The following SPAST variants were observed in gnomAD, a reference collection of about 807,000 sequenced individuals.
SPAST encodes spastic paraplegia 4 (autosomal dominant; spastin).
Under a neutral mutation model 76.6 loss-of-function variants are expected in SPAST, and 30 were observed. The observed-to-expected ratio is 0.39, with a 90% CI of 0.29 to 0.53. The LOEUF is 0.53. Ranked by LOEUF, SPAST falls within the 20% of genes least tolerant of loss-of-function variation. SPAST has a pLI of 0.68. For missense variants in SPAST, 717 were observed against 770.5 expected (o/e 0.93, Z 0.82); for synonymous variants, 305 against 281.0 (o/e 1.09, Z -0.86).
At chr2:32,141,528 T>C (rs1015636496) in intron 12 of SPAST, among the ~76,000 whole-genome samples, 1 of 152,258 alleles carries the variant, frequency 6.6e-6, no homozygotes, top group East Asian at 1.9e-4. Flanking sequence ...TTCACCTTTA[T>C]GTATTTTAGT....
intron 4 of SPAST, among the ~76,000 whole-genome samples, chr2:32,103,819 G>T (rs1278617359): frequency 1.3e-5 from 2 of 152,190 alleles, no homozygotes; most frequent in Non-Finnish European, 2.9e-5. Context: ...TGATTGCACT[G>T]TGGCCTGAGA....
At chr2:32,136,532 A>G in intron 9 of SPAST, 31 bp from the exon 10 acceptor site, 2 of 1,472,006 alleles carry the variant, frequency 1.4e-6, no homozygotes, top group African/African-American at 1.4e-5. Context: ...GTTGCATTTT[A>G]TGTGTATAAC....
At chr2:32,081,326 C>A (rs192707858) in intron 1 of SPAST, among the ~76,000 whole-genome samples, 1 of 148,684 alleles carries the variant, frequency 6.7e-6, no homozygotes, top group East Asian at 2.1e-4. Flanking sequence ...GATCTCCTGA[C>A]CTCGTGATTC....
At chr2:32,144,360 AC>A (rs1425921226) in intron 14 of SPAST, among the ~76,000 whole-genome samples, 1 of 152,204 alleles carries the variant, frequency 6.6e-6, no homozygotes, top group Non-Finnish European at 1.5e-5. Context: ...TGTAGATGTT[AC>A]CTTTCCAGGT....
chr2:32,114,641 G>A lies in SPAST; in HGVS notation c.686G>A (p.Ser229Asn), dbSNP rs766843588. The stretch of plus-strand genomic sequence containing the variant: ...GGTTTTACTTTTTCCTTGTCAGAAA[G>A]TGGAGCTGTTCCAAAAAGAAAAGAC... Reference protein sequence around the residue: ...ACRNGHLQSESGAVPKRKDPL... With the variant: ...ACRNGHLQSENGAVPKRKDPL... The change falls in exon 5 of 17, where the codon AGT (serine) becomes AAT (asparagine). Residue 229 changes from serine to asparagine, a missense_variant. Coordinates refer to ENST00000315285, the MANE Select transcript of SPAST (RefSeq NM_014946.4). 5 of 1,613,614 alleles carry A rather than the reference G, an allele frequency of 3.1e-6. No individual in the cohort carries two copies. The highest frequency in any genetic ancestry group is 1.1e-5 in the South Asian group (1 of 91,076).
intron 15 of SPAST, among the ~76,000 whole-genome samples, chr2:32,146,851 CAAAAAA>C (rs397984237): frequency 3.6e-4 from 7 of 19,224 alleles, no homozygotes; most frequent in South Asian, 2.3e-3. Context: ...GACTCTGTCT[CAAAAAA>C]AAAAAAAAAA....
At chr2:32,091,561 G>A (rs550959885) in intron 3 of SPAST, among the ~76,000 whole-genome samples, 165 of 149,036 alleles carry the variant, frequency 1.1e-3, no homozygotes, top group Non-Finnish European at 1.9e-3. Flanking sequence ...GGCCGGGCAC[G>A]GTGGCTAACG....
At chr2:32,075,728 G>C (rs902137025) in intron 1 of SPAST, among the ~76,000 whole-genome samples, 1 of 150,088 alleles carries the variant, frequency 6.7e-6, no homozygotes, top group African/African-American at 2.4e-5. Flanking sequence ...TTTTTGTGTA[G>C]TTTTTAGTAG....
Position 32,137,094 on chromosome 2 carries a change from A to T in SPAST, c.1414-15A>T, listed in dbSNP as rs184932905. The stretch of plus-strand genomic sequence containing the variant: ...ACTTTTCTAAATGAATTGAAAAAAG[A>T]TTTTTTGCTTGTAGGTACAGTCTGC... On this transcript the variant is annotated splice_polypyrimidine_tract_variant and intron_variant, in intron 11 of 16. Transcript: ENST00000315285. 1 of 1,610,942 alleles carries T rather than the reference A, an allele frequency of 6.2e-7. No individual in the cohort carries two copies. Among genetic ancestry groups the T allele is most frequent in the African/African-American group, 1.3e-5 (1 of 74,850 alleles).
chr2:32,106,823 A>G (rs1055021870), intron 4 of SPAST, among the ~76,000 whole-genome samples: 2 of 151,870 alleles, frequency 1.3e-5, no homozygotes, highest in African/African-American at 2.4e-5. Context: ...AAGTATCGAT[A>G]TAAGTATTTT....
At chr2:32,113,120 T>A (rs1165957815) in intron 4 of SPAST, among the ~76,000 whole-genome samples, 1 of 152,080 alleles carries the variant, frequency 6.6e-6, no homozygotes, top group Non-Finnish European at 1.5e-5. Flanking sequence ...TCAATTAAAA[T>A]TGATTATTAT....
chr2:32,115,228 G>A (rs967894970), intron 5 of SPAST, among the ~76,000 whole-genome samples: 19 of 152,260 alleles, frequency 1.2e-4, no homozygotes, highest in East Asian at 3.9e-4. Context: ...GATTACAGGC[G>A]TGAGCCACCG....
chr2:32,117,468 TTTAA>T (rs2148735774), intron 7 of SPAST, among the ~76,000 whole-genome samples: 1 of 151,924 alleles, frequency 6.6e-6, no homozygotes, highest in African/African-American at 2.4e-5. Context: ...AAGTTTTTTT[TTTAA>T]TTATTTTTAA....
At chr2:32,133,334 A>G (rs1679432805) in intron 9 of SPAST, among the ~76,000 whole-genome samples, 1 of 152,184 alleles carries the variant, frequency 6.6e-6, no homozygotes, top group Non-Finnish European at 1.5e-5. Flanking sequence ...TACTTTCATA[A>G]TCACCACCCA....
chr2:32,100,090 C>T (rs1678062865), intron 4 of SPAST, among the ~76,000 whole-genome samples: 1 of 152,190 alleles, frequency 6.6e-6, no homozygotes, highest in Middle Eastern at 3.4e-3. Flanking sequence ...CCTCCATACT[C>T]TTCTCCATAG....
intron 4 of SPAST, among the ~76,000 whole-genome samples, chr2:32,101,671 C>T (rs915697918): frequency 5.3e-5 from 8 of 152,264 alleles, no homozygotes; most frequent in South Asian, 2.1e-4. Context: ...AGGAAGGGAT[C>T]CAGTTTCAGC....
At chr2:32,127,175 T>A in intron 8 of SPAST, 153 bp downstream of exon 8, 2 of 683,250 alleles carry the variant, frequency 2.9e-6, no homozygotes, top group Non-Finnish European at 5.3e-6. Context: ...TTGTTTTGTT[T>A]TGAGTGATCT....
chr2:32,084,853 A>G (rs976566204), intron 1 of SPAST, among the ~76,000 whole-genome samples: 1 of 131,950 alleles, frequency 7.6e-6, no homozygotes, highest in South Asian at 2.4e-4. Context: ...TGCCTACTGC[A>G]CTCCAGCCTG....
At chr2:32,070,068 A>ATTTTTT in intron 1 of SPAST, among the ~76,000 whole-genome samples, 1 of 50,920 alleles carries the variant, frequency 2.0e-5, no homozygotes, top group Non-Finnish European at 4.1e-5. Flanking sequence ...AAAAAAAAAA[A>ATTTTTT]TTTTTTTTTT....
Sources: allele counts gnomAD v4.1 joint callset (sites outside exome capture counted in the v4.1 genomes callset), GRCh38; gene constraint gnomAD v4.1.1; transcripts MANE v1.5; gene names NCBI Gene and HGNC (gene_info 2026-07-23, HGNC 2026-07-21).